COL11A1: variants seen among roughly 807,000 people sequenced by gnomAD.
COL11A1 encodes collagen type XI alpha 1 chain.
Under a neutral mutation model 265.2 loss-of-function variants are expected in COL11A1, and 74 were observed. The observed-to-expected ratio is 0.28, with a 90% CI of 0.23 to 0.34. The LOEUF (loss-of-function observed/expected upper bound fraction) is 0.34, where lower values mean the gene tolerates loss of function less well. Ranked by LOEUF, COL11A1 falls within the 10% of genes least tolerant of loss-of-function variation. The pLI, the probability that COL11A1 is intolerant of heterozygous loss-of-function variation, is 1.00. For synonymous variants in COL11A1, 816 were observed against 727.6 expected (o/e 1.12, Z -1.96); for missense variants, 2,165 against 2,263.6 (o/e 0.96, Z 0.88).
At chr1:102,912,314 C>A in intron 53 of COL11A1, 102 bp from the exon 54 acceptor site, 1 of 847,524 alleles carries the variant, frequency 1.2e-6, no homozygotes, top group Admixed American at 2.6e-5. Flanking sequence ...TTCTTCATTT[C>A]CACATGTCAA....
At chr1:103,015,309 A>C (rs563453369) in intron 12 of COL11A1, among the ~76,000 whole-genome samples, 39 of 152,088 alleles carry the variant, frequency 2.6e-4, no homozygotes, top group African/African-American at 7.7e-4. Context: ...ACTACAAATA[A>C]ATACTATTTA....
chr1:103,005,737 G>C, intron 18 of COL11A1, 101 bp downstream of exon 18: 1 of 1,400,536 alleles, frequency 7.1e-7, no homozygotes, highest in Non-Finnish European at 1.0e-6. Flanking sequence ...ATTCACAAAC[G>C]TTAAAATTAA....
At chr1:102,906,492 G>C (rs1188266214) in intron 54 of COL11A1, among the ~76,000 whole-genome samples, 1 of 151,982 alleles carries the variant, frequency 6.6e-6, no homozygotes, top group East Asian at 1.9e-4. Flanking sequence ...ACTGCAGCCT[G>C]GACCTCCCAG....
intron 49 of COL11A1, among the ~76,000 whole-genome samples, chr1:102,917,924 G>A (rs900747646): frequency 6.6e-6 from 1 of 151,498 alleles, no homozygotes; most frequent in Non-Finnish European, 1.5e-5. Context: ...CTACCATTTA[G>A]TATGTTAGAT....
intron 35 of COL11A1, among the ~76,000 whole-genome samples, chr1:102,976,308 T>TTTTTTTTTTTTTTTTTTTTTTG (rs1662478263): frequency 7.4e-6 from 1 of 135,168 alleles, no homozygotes; most frequent in Non-Finnish European, 1.6e-5. Context: ...TTTTTTTTTT[T>TTTTTTTTTTTTTTTTTTTTTTG]TTTTTTTTGA....
In COL11A1 at chr1:102,889,573, C is replaced by T. The variant is rs759116881; in HGVS notation, c.4357-11G>A. 3.1e-6 allele frequency: 5 copies of T among 1,588,184 alleles called. No homozygotes were observed. The highest frequency in any genetic ancestry group is 1.3e-5 in the African/African-American group (1 of 74,078). ...TAAACCAGGATGTCCCTTTGAAAGG[C>T]AGAGAAAAAAAATAATAACATGTAC... On this transcript the variant is annotated splice_polypyrimidine_tract_variant and intron_variant, in intron 58 of 66. Coordinates refer to ENST00000370096, the MANE Select transcript of COL11A1 (RefSeq NM_001854.4).
chr1:102,894,715 T>TA (rs1652195204), intron 57 of COL11A1, among the ~76,000 whole-genome samples: 1 of 152,110 alleles, frequency 6.6e-6, no homozygotes, highest in Non-Finnish European at 1.5e-5. Flanking sequence ...CAAACTCCAA[T>TA]AGAGTTATTT....
intron 1 of COL11A1, 110 bp downstream of exon 1, chr1:103,107,961 CTT>C (rs573192714): frequency 4.9e-3 from 3,375 of 685,168 alleles, no homozygotes; most frequent in Middle Eastern, 7.9e-3. Context: ...AAGGGAATTG[CTT>C]TTTTTTTTTT....
chr1:102,907,535 T>G (rs1047561077), intron 54 of COL11A1, among the ~76,000 whole-genome samples: 2 of 152,050 alleles, frequency 1.3e-5, no homozygotes, highest in Non-Finnish European at 2.9e-5. Flanking sequence ...ATCCTAAATT[T>G]TTGTTAATCA....
At chr1:103,094,076 C>A (rs1419681524) in intron 1 of COL11A1, among the ~76,000 whole-genome samples, 4 of 151,968 alleles carry the variant, frequency 2.6e-5, no homozygotes, top group Admixed American at 2.6e-4. Context: ...CATGGCTTCA[C>A]AGGATTTGCA....
chr1:102,970,656 A>T (rs1472456562), intron 36 of COL11A1, among the ~76,000 whole-genome samples: 1 of 152,112 alleles, frequency 6.6e-6, no homozygotes, highest in Non-Finnish European at 1.5e-5. Context: ...TTCCCGGTGC[A>T]TCAAAACTTG....
chr1:103,002,139 C>A (rs1445571864), intron 23 of COL11A1, among the ~76,000 whole-genome samples, 170 bp from the exon 24 acceptor site: 1 of 152,072 alleles, frequency 6.6e-6, no homozygotes, highest in Non-Finnish European at 1.5e-5. Flanking sequence ...ACACAAGCTG[C>A]TCTTTTTTGC....
intron 4 of COL11A1, among the ~76,000 whole-genome samples, chr1:103,051,495 C>T (rs1250338049): frequency 6.6e-6 from 1 of 152,174 alleles, no homozygotes; most frequent in Non-Finnish European, 1.5e-5. Context: ...TTCCAGGTGC[C>T]ATCTGTCACC....
chr1:103,011,341 A>G (rs959831375), intron 14 of COL11A1, among the ~76,000 whole-genome samples: 1 of 152,180 alleles, frequency 6.6e-6, no homozygotes, highest in African/African-American at 2.4e-5. Flanking sequence ...ATGATAAAAT[A>G]CATGATAAAC....
chr1:103,099,319 G>T (rs181199684), intron 1 of COL11A1, among the ~76,000 whole-genome samples: 2 of 151,516 alleles, frequency 1.3e-5, no homozygotes, highest in Non-Finnish European at 3.0e-5. Flanking sequence ...TTTGGAGATG[G>T]TACTTCATAA....
chr1:103,006,464 C>T (rs1047991739), intron 15 of COL11A1, 149 bp from the exon 16 acceptor site: 36 of 384,698 alleles, frequency 9.4e-5, no homozygotes, highest in Non-Finnish European at 1.6e-4. Flanking sequence ...TGTAAAAGTT[C>T]AGATAAAGCA....
chr1:102,986,698 C>A (rs925769568), intron 30 of COL11A1, among the ~76,000 whole-genome samples: 1 of 152,064 alleles, frequency 6.6e-6, no homozygotes, highest in African/African-American at 2.4e-5. Context: ...ATAGACAGTT[C>A]TTGCTTGTCA....
intron 66 of COL11A1, among the ~76,000 whole-genome samples, chr1:102,878,475 C>CATATATATATAT (rs57574729): frequency 0.041 from 2,007 of 49,500 alleles, 133 homozygotes; most frequent in East Asian, 0.058. Context: ...ATTGAATCCT[C>CATATATATATAT]ATATATATAT....
At chr1:103,058,787 T>C (rs58982976) in intron 4 of COL11A1, among the ~76,000 whole-genome samples, 22,114 of 152,134 alleles carry the variant, frequency 0.15, 1,727 homozygotes, top group Middle Eastern at 0.16. Flanking sequence ...ATTGTGTACA[T>C]TATTATTATA....
Sources: gnomAD v4.1 joint callset for allele counts (sites outside exome capture counted in the v4.1 genomes callset) on GRCh38, gnomAD v4.1.1 for gene constraint, MANE v1.5 for transcripts, NCBI Gene and HGNC (gene_info 2026-07-23, HGNC 2026-07-21) for gene names.